DCAF8L2: variants seen among roughly 807,000 people sequenced by gnomAD.
The protein encoded by DCAF8L2 is DDB1 and CUL4 associated factor 8 like 2, also known as DDB1- and CUL4-associated factor 8-like protein 2.
For synonymous variants in DCAF8L2, 200 were observed against 190.9 expected, an observed-to-expected ratio of 1.05 and a Z score of -0.39; for missense variants, 430 against 490.7, an observed-to-expected ratio of 0.88 and a Z score of 1.17.
chrX:27,605,908 G>T lies in DCAF8L2; in HGVS notation c.-342+15468G>T, dbSNP rs6630523. Among the ~76,000 whole-genome samples the T allele has an allele frequency of 0.014, 1,597 of 110,667 alleles. 79 individuals are homozygous for T. In the East Asian group the frequency reaches 0.2, roughly 14 times the overall value. Reference sequence around the variant, plus strand: ...CTCTTGAAACTGGACAGTCCCAGGGGTCTGAGGTTAGGTGCATTTTCCAAT... The same window carrying T: ...CTCTTGAAACTGGACAGTCCCAGGGTTCTGAGGTTAGGTGCATTTTCCAAT... On this transcript the variant is annotated intron_variant, in intron 1 of 4. Transcript: ENST00000451261.
chrX:27,601,710 A>C (rs1418306587), intron 1 of DCAF8L2, among the ~76,000 whole-genome samples: 7 of 110,455 alleles, frequency 6.3e-5, no homozygotes, highest in Non-Finnish European at 1.3e-4. Flanking sequence ...AAAAAAAAAA[A>C]AAAACAATTT....
chrX:27,729,914 C>T (rs994459449), intron 4 of DCAF8L2, among the ~76,000 whole-genome samples: 1 of 111,948 alleles, frequency 8.9e-6, no homozygotes, highest in African/African-American at 3.3e-5. Context: ...GAAATGTATC[C>T]ATGGGTACTC....
the DCAF8L2 span, among the ~76,000 whole-genome samples, chrX:27,514,681 A>AAAAC: frequency 7.8e-3 from 649 of 83,439 alleles, 44 homozygotes; most frequent in Non-Finnish European, 9.7e-3. Flanking sequence ...AAAAAAAAAA[A>AAAAC]AAAAAAAAAA....
At chrX:27,619,557 G>A (rs1350803506) in intron 1 of DCAF8L2, among the ~76,000 whole-genome samples, 1 of 111,602 alleles carries the variant, frequency 9.0e-6, no homozygotes, top group Non-Finnish European at 1.9e-5. Context: ...AGCACAAGTT[G>A]GCACAGAAGT....
In DCAF8L2 at chrX:27,742,285, C is replaced by T. The variant is rs187303866; in HGVS notation, c.-58-4553C>T. On this transcript the variant is annotated intron_variant, in intron 4 of 4. Coordinates refer to ENST00000451261, the MANE Select transcript of DCAF8L2 (RefSeq NM_001353450.2). ...AAATGGGGTGTGTAGGAAAACAACT[C>T]TAGCCAGGCATGGTGGCTCACACCT... Among the ~76,000 whole-genome samples, 16 of 111,484 alleles carry T rather than the reference C, an allele frequency of 1.4e-4. No homozygotes were observed. The East Asian group carries it at 4.5e-3, about 32-fold the overall frequency.
intron 1 of DCAF8L2, among the ~76,000 whole-genome samples, chrX:27,612,881 G>A (rs989239450): frequency 6.3e-5 from 7 of 111,629 alleles, no homozygotes; most frequent in South Asian, 3.8e-4. Flanking sequence ...GTCAGGTAGC[G>A]TGATACCTCC....
At chrX:27,568,215 G>A in the DCAF8L2 span, among the ~76,000 whole-genome samples, 17 of 111,072 alleles carry the variant, frequency 1.5e-4, no homozygotes, top group East Asian at 4.3e-3. Context: ...TTTTTTTTTG[G>A]AAATGGAAGT....
At chrX:27,575,109 G>A in the DCAF8L2 span, among the ~76,000 whole-genome samples, 1 of 111,687 alleles carries the variant, frequency 9.0e-6, no homozygotes, top group African/African-American at 3.3e-5. Flanking sequence ...TTCCCCTGGA[G>A]TTGGGGCACT....
chrX:27,486,045 G>A, the DCAF8L2 span, among the ~76,000 whole-genome samples: 5 of 98,794 alleles, frequency 5.1e-5, no homozygotes, highest in Non-Finnish European at 1.0e-4. Context: ...TCACTCTGTC[G>A]CCCAGGCTGG....
the DCAF8L2 span, among the ~76,000 whole-genome samples, chrX:27,514,687 A>AAC: frequency 1.3e-5 from 1 of 79,494 alleles, no homozygotes; most frequent in Admixed American, 1.3e-4. Flanking sequence ...AAAAAAAAAA[A>AAC]AAAAAAAACA....
intron 4 of DCAF8L2, among the ~76,000 whole-genome samples, chrX:27,729,104 T>TA (rs1449067134): frequency 9.0e-6 from 1 of 111,609 alleles, no homozygotes; most frequent in Non-Finnish European, 1.9e-5. Flanking sequence ...AACATAAGGT[T>TA]AAAAAATAGG....
the DCAF8L2 span, among the ~76,000 whole-genome samples, chrX:27,528,051 T>C: frequency 4.7e-5 from 2 of 42,415 alleles, no homozygotes; most frequent in Non-Finnish European, 7.0e-5. Context: ...TTTAATTAAT[T>C]ATTAAATTAA....
intron 4 of DCAF8L2, among the ~76,000 whole-genome samples, chrX:27,730,439 A>G (rs1473132954): frequency 9.0e-6 from 1 of 111,166 alleles, no homozygotes; most frequent in Non-Finnish European, 1.9e-5. Flanking sequence ...GCTTTTTGAG[A>G]CAGAATTTCA....
At chrX:27,686,518 T>TA (rs1041699943) in intron 3 of DCAF8L2, among the ~76,000 whole-genome samples, 12 of 107,875 alleles carry the variant, frequency 1.1e-4, no homozygotes, top group African/African-American at 3.4e-4. Flanking sequence ...ATGTAGGAGC[T>TA]AAAAAAAAAG....
the DCAF8L2 span, among the ~76,000 whole-genome samples, chrX:27,540,872 AAAAT>A: frequency 8.9e-6 from 1 of 112,155 alleles, no homozygotes; most frequent in African/African-American, 3.2e-5. Context: ...TGTTAATTAA[AAAAT>A]AATAACAATT....
the DCAF8L2 span, among the ~76,000 whole-genome samples, chrX:27,506,054 T>C: frequency 8.9e-6 from 1 of 112,326 alleles, no homozygotes; most frequent in Non-Finnish European, 1.9e-5. Context: ...AGGCCTGAAA[T>C]AACCTTGGTA....
the DCAF8L2 span, among the ~76,000 whole-genome samples, chrX:27,481,314 G>A: frequency 9.0e-6 from 1 of 110,571 alleles, no homozygotes. Context: ...GGGGATGGAG[G>A]TTGCAGTGAG....
chrX:27,689,235 A>G, intron 3 of DCAF8L2, among the ~76,000 whole-genome samples: 1 of 112,147 alleles, frequency 8.9e-6, no homozygotes, highest in Admixed American at 9.5e-5. Flanking sequence ...AGATTGATTG[A>G]CTGATTGATT....
At chrX:27,472,129 A>G in the DCAF8L2 span, among the ~76,000 whole-genome samples, 2 of 111,691 alleles carry the variant, frequency 1.8e-5, no homozygotes, top group African/African-American at 3.3e-5. Flanking sequence ...TCTTTGCTAC[A>G]AGACACATCA....
Sources: allele counts gnomAD v4.1 joint callset (sites outside exome capture counted in the v4.1 genomes callset), GRCh38; gene constraint gnomAD v4.1.1; transcripts MANE v1.5; gene names NCBI Gene and HGNC (gene_info 2026-07-23, HGNC 2026-07-21).